Variants in HDAC9 observed in about 807,000 individuals in gnomAD.
HDAC9 encodes the protein MEF-2 interacting transcription repressor (MITR) protein.
A neutral mutation model predicts 139.4 loss-of-function variants in HDAC9; 41 were observed. The observed-to-expected ratio is 0.29, with a 90% confidence interval of 0.23 to 0.38. The LOEUF is 0.38. Among genes scored for constraint, HDAC9 ranks in the 10% least tolerant of loss-of-function variants. HDAC9 has a pLI of 1.00. For missense variants in HDAC9, 1,147 were observed against 1,297.0 expected, an observed-to-expected ratio of 0.88 and a Z score of 1.78; for synonymous variants, 517 against 476.2, an observed-to-expected ratio of 1.09 and a Z score of -1.12.
At chr7:18,658,559 T>C (rs1792035181) in intron 11 of HDAC9, among the ~76,000 whole-genome samples, 1 of 152,172 alleles carries the variant, frequency 6.6e-6, no homozygotes, top group African/African-American at 2.4e-5. Context: ...CAGTTTAGAC[T>C]TCAATTTGTG....
chr7:18,407,194 T>A (rs1031749129), intron 1 of HDAC9, among the ~76,000 whole-genome samples: 3 of 152,194 alleles, frequency 2.0e-5, no homozygotes, highest in African/African-American at 7.2e-5. Context: ...GGATTCCACT[T>A]TCCTAATCTT....
chr7:18,956,004 A>G (rs1013357246), intron 24 of HDAC9, among the ~76,000 whole-genome samples: 7 of 152,110 alleles, frequency 4.6e-5, no homozygotes, highest in Admixed American at 1.3e-4. Flanking sequence ...ATGATTTTCC[A>G]CTGCATAGTT....
At chr7:18,100,284 T>C (rs1782763489) in intron 1 of HDAC9, among the ~76,000 whole-genome samples, 1 of 152,174 alleles carries the variant, frequency 6.6e-6, no homozygotes, top group Non-Finnish European at 1.5e-5. Flanking sequence ...TGGTATAGCT[T>C]TCTTCATGTT....
chr7:18,409,509 C>T (rs1348371037), intron 1 of HDAC9, among the ~76,000 whole-genome samples: 2 of 152,110 alleles, frequency 1.3e-5, no homozygotes, highest in Non-Finnish European at 2.9e-5. Context: ...GAGTTTAGAG[C>T]ACCCTCTGCA....
intron 1 of HDAC9, among the ~76,000 whole-genome samples, chr7:18,401,969 T>C (rs1787586969): frequency 6.6e-6 from 1 of 152,222 alleles, no homozygotes. Flanking sequence ...GCACACTGCT[T>C]TGTGGCACTT....
chr7:18,150,210 G>C (rs1051398632), intron 1 of HDAC9, among the ~76,000 whole-genome samples: 2 of 150,042 alleles, frequency 1.3e-5, no homozygotes, highest in African/African-American at 2.5e-5. Context: ...AATTTTATTT[G>C]TATCTAGATA....
At chr7:18,526,218 T>A (rs1313588892) in intron 2 of HDAC9, among the ~76,000 whole-genome samples, 1 of 152,210 alleles carries the variant, frequency 6.6e-6, no homozygotes, top group African/African-American at 2.4e-5. Context: ...ATTTATAAGT[T>A]GTTACTATTT....
intron 1 of HDAC9, among the ~76,000 whole-genome samples, chr7:18,342,197 C>T (rs1017523857): frequency 2.6e-5 from 4 of 151,778 alleles, no homozygotes; most frequent in African/African-American, 9.7e-5. Context: ...TTGGTGCTTC[C>T]CTCTCCTCTC....
intron 1 of HDAC9, chr7:18,458,928 T>G: frequency 6.7e-7 from 1 of 1,493,320 alleles, no homozygotes; most frequent in Non-Finnish European, 9.0e-7. Flanking sequence ...TCCTTTTTCT[T>G]TGGTTTCTTG....
At chr7:18,299,220 ATTTT>A (rs11438085) in intron 1 of HDAC9, among the ~76,000 whole-genome samples, 1 of 138,996 alleles carries the variant, frequency 7.2e-6, no homozygotes. Flanking sequence ...AACTCTTAAG[ATTTT>A]TTTTTTTTTT....
At chr7:18,100,218 T>G (rs1782758911) in intron 1 of HDAC9, among the ~76,000 whole-genome samples, 1 of 152,166 alleles carries the variant, frequency 6.6e-6, no homozygotes, top group African/African-American at 2.4e-5. Flanking sequence ...AGATATCAAG[T>G]CCTATAACGT....
chr7:18,103,828 G>A (rs141124238), intron 1 of HDAC9, among the ~76,000 whole-genome samples: 8 of 128,822 alleles, frequency 6.2e-5, no homozygotes, highest in South Asian at 2.9e-4. Context: ...ATAAAACATC[G>A]GAATAAATGT....
chr7:18,833,064 A>G (rs1795976044), intron 19 of HDAC9, among the ~76,000 whole-genome samples: 1 of 152,190 alleles, frequency 6.6e-6, no homozygotes, highest in Non-Finnish European at 1.5e-5. Context: ...TTAAGGCTAT[A>G]CTGTGAGTTG....
At chr7:18,622,671 A>G (rs1358704273) in intron 6 of HDAC9, among the ~76,000 whole-genome samples, 1 of 152,080 alleles carries the variant, frequency 6.6e-6, no homozygotes, top group East Asian at 1.9e-4. Context: ...ATAATTAATC[A>G]TCTTAATATA....
chr7:18,521,325 G>C (rs969202065), intron 2 of HDAC9, among the ~76,000 whole-genome samples: 1 of 152,240 alleles, frequency 6.6e-6, no homozygotes, highest in Admixed American at 6.5e-5. Context: ...TTAATTTTAT[G>C]TTGGATCCTA....
chr7:18,713,941 A>G (rs1404248708), intron 12 of HDAC9, among the ~76,000 whole-genome samples: 1 of 152,214 alleles, frequency 6.6e-6, no homozygotes, highest in Non-Finnish European at 1.5e-5. Context: ...ACAATGATAT[A>G]TTAATGATCA....
intron 16 of HDAC9, among the ~76,000 whole-genome samples, chr7:18,780,526 C>A (rs2129170544): frequency 6.6e-6 from 1 of 152,090 alleles, no homozygotes; most frequent in Non-Finnish European, 1.5e-5. Flanking sequence ...GAAGAAGCAT[C>A]ATTGTAGGAT....
chr7:18,679,958 C>G (rs1035133001), intron 12 of HDAC9, among the ~76,000 whole-genome samples: 1 of 151,892 alleles, frequency 6.6e-6, no homozygotes, highest in East Asian at 1.9e-4. Flanking sequence ...AAGCAGTTTT[C>G]TTGCATTTAG....
chr7:18,193,208 T>C (rs1366793721), intron 2 of HDAC9, among the ~76,000 whole-genome samples: 1 of 152,152 alleles, frequency 6.6e-6, no homozygotes, highest in Non-Finnish European at 1.5e-5. Context: ...AAGAACAGAA[T>C]ATTTATAGCT....
Sources: allele counts gnomAD v4.1 joint callset (sites outside exome capture counted in the v4.1 genomes callset), GRCh38; gene constraint gnomAD v4.1.1; transcripts MANE v1.5; gene names NCBI Gene and HGNC (gene_info 2026-07-23, HGNC 2026-07-21).